The following TACR3 variants were observed in gnomAD, a reference collection of about 807,000 sequenced individuals.
The protein encoded by TACR3 is tachykinin receptor 3.
In TACR3, 34 loss-of-function variants were observed where a neutral mutation model predicts 35.0. That is an observed-to-expected ratio of 0.97 (90% CI 0.74 to 1.30). TACR3 has a LOEUF of 1.30. Ranked by LOEUF, TACR3 falls within the 50% of genes most tolerant of loss-of-function variation. TACR3 has a pLI of 0.00. For synonymous variants in TACR3, 233 were observed against 221.1 expected (o/e 1.05, Z -0.48); for missense variants, 558 against 591.7 (o/e 0.94, Z 0.59).
At chr4:103,657,860 A>C (rs1411680758) in intron 2 of TACR3, among the ~76,000 whole-genome samples, 1 of 152,084 alleles carries the variant, frequency 6.6e-6, no homozygotes, top group Admixed American at 6.6e-5. Flanking sequence ...CACTTCCTAA[A>C]AGAGCAATCA....
intron 1 of TACR3, among the ~76,000 whole-genome samples, chr4:103,717,655 C>A (rs866483112): frequency 6.7e-4 from 102 of 151,906 alleles, no homozygotes; most frequent in Admixed American, 1.5e-3. Flanking sequence ...AATACCTCTC[C>A]CCCTAATCAA....
At chr4:103,713,657 A>T (rs1219042988) in intron 1 of TACR3, among the ~76,000 whole-genome samples, 1 of 152,060 alleles carries the variant, frequency 6.6e-6, no homozygotes, top group Non-Finnish European at 1.5e-5. Flanking sequence ...ACAGAAAATC[A>T]ATTAGACAGA....
intron 3 of TACR3, among the ~76,000 whole-genome samples, chr4:103,635,637 T>C (rs1725170976): frequency 6.6e-6 from 1 of 152,054 alleles, no homozygotes; most frequent in African/African-American, 2.4e-5. Flanking sequence ...AGCCAACTAA[T>C]ATTTATGCTT....
At chr4:103,597,606 C>A (rs1012300490) in intron 3 of TACR3, among the ~76,000 whole-genome samples, 3 of 150,520 alleles carry the variant, frequency 2.0e-5, no homozygotes, top group Non-Finnish European at 4.4e-5. Flanking sequence ...CCTCCCCCGT[C>A]CCCCCACCCC....
At chr4:103,715,518 C>T (rs549665196) in intron 1 of TACR3, among the ~76,000 whole-genome samples, 2 of 139,312 alleles carry the variant, frequency 1.4e-5, no homozygotes, top group African/African-American at 2.7e-5. Flanking sequence ...AACCTCTTTT[C>T]TTTATCAATT....
chr4:103,608,116 C>G (rs1490505761), intron 3 of TACR3, among the ~76,000 whole-genome samples: 1 of 152,026 alleles, frequency 6.6e-6, no homozygotes, highest in Non-Finnish European at 1.5e-5. Context: ...CTCATATGTT[C>G]GTTACCACGC....
intron 3 of TACR3, chr4:103,624,549 T>C (rs1179793194): frequency 1.3e-5 from 2 of 152,222 alleles, no homozygotes; most frequent in East Asian, 3.9e-4. Context: ...TATAGGTGTA[T>C]AGAAAATCAT....
chr4:103,611,286 C>A (rs1724505790), intron 3 of TACR3, among the ~76,000 whole-genome samples: 1 of 152,084 alleles, frequency 6.6e-6, no homozygotes, highest in Non-Finnish European at 1.5e-5. Flanking sequence ...TTAGTGTCCT[C>A]TTTAGTTGCT....
chr4:103,675,854 G>A (rs181489109), intron 1 of TACR3, among the ~76,000 whole-genome samples: 1 of 152,214 alleles, frequency 6.6e-6, no homozygotes, highest in African/African-American at 2.4e-5. Context: ...AGCCTGAGTG[G>A]AGGGGAGGGG....
intron 3 of TACR3, among the ~76,000 whole-genome samples, chr4:103,638,703 C>T (rs1448227305): frequency 6.6e-6 from 1 of 152,070 alleles, no homozygotes; most frequent in Non-Finnish European, 1.5e-5. Context: ...TGACAAAGGG[C>T]TACTATCCAG....
At chr4:103,713,867 G>A (rs767231358) in intron 1 of TACR3, among the ~76,000 whole-genome samples, 5 of 152,146 alleles carry the variant, frequency 3.3e-5, no homozygotes, top group Non-Finnish European at 5.9e-5. Flanking sequence ...TATCAGAAAA[G>A]TTGGAAGCCG....
At chr4:103,666,366 G>C (rs1318546778) in intron 1 of TACR3, among the ~76,000 whole-genome samples, 1 of 152,130 alleles carries the variant, frequency 6.6e-6, no homozygotes, top group Non-Finnish European at 1.5e-5. Context: ...AGAAAGCAGA[G>C]TGCATTTGGG....
At chr4:103,598,762 G>T (rs192050494) in intron 3 of TACR3, among the ~76,000 whole-genome samples, 2,598 of 152,200 alleles carry the variant, frequency 0.017, 71 homozygotes, top group African/African-American at 0.06. Context: ...TCAGATATTT[G>T]TAGATATGCG....
intron 1 of TACR3, among the ~76,000 whole-genome samples, chr4:103,709,502 G>C (rs1359758164): frequency 6.6e-6 from 1 of 152,134 alleles, no homozygotes; most frequent in East Asian, 1.9e-4. Context: ...AGCTCCTGAA[G>C]GAAGCACTAA....
intron 3 of TACR3, among the ~76,000 whole-genome samples, chr4:103,644,546 C>A (rs2110321857): frequency 6.6e-6 from 1 of 151,752 alleles, no homozygotes. Context: ...CTCAAAATAT[C>A]TGAATGAAAA....
intron 1 of TACR3, among the ~76,000 whole-genome samples, chr4:103,708,694 G>C (rs1722857953): frequency 6.6e-6 from 1 of 152,096 alleles, no homozygotes; most frequent in Non-Finnish European, 1.5e-5. Flanking sequence ...GCCTTCAGAT[G>C]ATCAAACTTC....
In TACR3 at chr4:103,598,503, G is replaced by C. The variant is rs535162575; in HGVS notation, c.889-6820C>G. Among the ~76,000 whole-genome samples, 143 of 152,280 alleles carry C rather than the reference G, an allele frequency of 9.4e-4. 1 individual carries two copies. The highest frequency in any genetic ancestry group is 1.6e-3 in the Non-Finnish European group (112 of 68,026). ...TTGGCTTTTGTTGCCATTGCTTTTG[G>C]TGTGTTAGACATGAAGTCCTTGCCC... On this transcript the variant is annotated intron_variant, in intron 3 of 4. Coordinates refer to ENST00000304883, the MANE Select transcript of TACR3 (RefSeq NM_001059.3).
At chr4:103,607,230 G>C (rs1355749431) in intron 3 of TACR3, among the ~76,000 whole-genome samples, 1 of 151,976 alleles carries the variant, frequency 6.6e-6, no homozygotes, top group African/African-American at 2.4e-5. Flanking sequence ...GCATGTTTTT[G>C]TTTCTTTTAG....
At chr4:103,609,016 C>T (rs1054695587) in intron 3 of TACR3, among the ~76,000 whole-genome samples, 2 of 152,062 alleles carry the variant, frequency 1.3e-5, no homozygotes, top group Non-Finnish European at 2.9e-5. Flanking sequence ...GATTAGAAAA[C>T]AGTGTATTCT....
Sources: gnomAD v4.1 joint callset for allele counts (sites outside exome capture counted in the v4.1 genomes callset) on GRCh38, gnomAD v4.1.1 for gene constraint, MANE v1.5 for transcripts, NCBI Gene and HGNC (gene_info 2026-07-23, HGNC 2026-07-21) for gene names.